Variants in SNTG1 observed in about 807,000 individuals in gnomAD.
The protein encoded by SNTG1 is gamma-1-syntrophin.
SNTG1 carries 39 observed loss-of-function variants against 74.7 expected under a neutral mutation model. The ratio of observed to expected loss-of-function variants is 0.52; its 90% CI spans 0.40 to 0.68. The LOEUF (loss-of-function observed/expected upper bound fraction) is 0.68. SNTG1 is among the 30% of genes least tolerant of loss of function. The pLI is 0.00. For synonymous variants in SNTG1, 254 were observed against 217.1 expected, an observed-to-expected ratio of 1.17 and a Z score of -1.49; for missense variants, 685 against 609.5, an observed-to-expected ratio of 1.12 and a Z score of -1.30.
rs368672975 is a variant in SNTG1 at position 50,307,731 on chromosome 8, C to T, written c.-27-86481C>T. Among the ~76,000 whole-genome samples the T allele has an allele frequency of 4.1e-4, 62 of 152,110 alleles. No individual in the cohort carries two copies. In the East Asian group the frequency reaches 7.2e-3, roughly 18 times the overall value. On this transcript the variant is annotated intron_variant, in intron 2 of 18. Coordinates refer to ENST00000642720, the MANE Select transcript of SNTG1 (RefSeq NM_018967.5). ...GCCTCTAAGTACATTATTCTGTCTTCGATGTTTTTCTTGTATCAGCTTTAT... is the reference window on the plus strand; with the variant it reads ...GCCTCTAAGTACATTATTCTGTCTTTGATGTTTTTCTTGTATCAGCTTTAT...
intron 2 of SNTG1, among the ~76,000 whole-genome samples, chr8:50,306,314 G>T (rs955612768): frequency 1.3e-5 from 2 of 151,894 alleles, no homozygotes; most frequent in African/African-American, 4.8e-5. Context: ...CACTGGGGTT[G>T]GTTCTATATC....
chr8:50,150,467 G>C (rs1397196379), intron 1 of SNTG1, among the ~76,000 whole-genome samples: 2 of 152,124 alleles, frequency 1.3e-5, no homozygotes, highest in African/African-American at 4.8e-5. Context: ...TCCCTGTCTT[G>C]TGCCAGTTTT....
At chr8:50,178,795 C>T (rs1462551236) in intron 2 of SNTG1, among the ~76,000 whole-genome samples, 1 of 152,128 alleles carries the variant, frequency 6.6e-6, no homozygotes, top group African/African-American at 2.4e-5. Flanking sequence ...CTGTGTGACA[C>T]TCTGCCAAAA....
At chr8:50,506,545 A>T (rs901705898) in intron 9 of SNTG1, among the ~76,000 whole-genome samples, 1 of 151,978 alleles carries the variant, frequency 6.6e-6, no homozygotes, top group African/African-American at 2.4e-5. Flanking sequence ...TTTTCAGTGT[A>T]AAGTCTTTAA....
At chr8:49,918,063 A>G (rs759096557) in intron 1 of SNTG1, among the ~76,000 whole-genome samples, 212 of 152,190 alleles carry the variant, frequency 1.4e-3, no homozygotes, top group Non-Finnish European at 2.5e-3. Context: ...ATTTAATAGA[A>G]ACCCTAAACT....
intron 13 of SNTG1, among the ~76,000 whole-genome samples, chr8:50,617,310 T>A (rs1312892191): frequency 2.6e-5 from 4 of 151,730 alleles, no homozygotes; most frequent in Non-Finnish European, 4.4e-5. Context: ...ATTTGTTCAA[T>A]GAGCAAATGA....
intron 15 of SNTG1, among the ~76,000 whole-genome samples, chr8:50,683,636 A>T (rs911914167): frequency 1.3e-5 from 2 of 152,222 alleles, no homozygotes; most frequent in African/African-American, 4.8e-5. Context: ...ATAGGAGAGC[A>T]ATTTCAAGTG....
chr8:50,220,578 G>A (rs1473781273), intron 2 of SNTG1, among the ~76,000 whole-genome samples: 3 of 152,124 alleles, frequency 2.0e-5, no homozygotes, highest in African/African-American at 7.2e-5. Flanking sequence ...GAAATGTATT[G>A]AAGTTTTGTT....
intron 1 of SNTG1, among the ~76,000 whole-genome samples, chr8:49,991,385 G>A (rs556418685): frequency 2.4e-4 from 37 of 152,222 alleles, no homozygotes; most frequent in East Asian, 7.7e-4. Context: ...CACTCTGGCC[G>A]TTCATTAAAG....
intron 1 of SNTG1, among the ~76,000 whole-genome samples, chr8:49,942,502 T>A (rs749408592): frequency 1.7e-4 from 25 of 149,578 alleles, no homozygotes; most frequent in Non-Finnish European, 3.4e-4. Context: ...CCTACTTAAT[T>A]TAAGTTTTCT....
chr8:50,660,230 AAAGGAAAGAAGG>A (rs1477415353), intron 15 of SNTG1, among the ~76,000 whole-genome samples: 3 of 140,796 alleles, frequency 2.1e-5, no homozygotes, highest in Admixed American at 6.9e-5. Context: ...GAAGAAAAGA[AAAGGAAAGAAGG>A]AAGGAAAGAA....
chr8:50,218,729 G>A (rs1203325021), intron 2 of SNTG1, among the ~76,000 whole-genome samples: 1 of 152,068 alleles, frequency 6.6e-6, no homozygotes, highest in African/African-American at 2.4e-5. Context: ...TCTAATTCCA[G>A]CAATGTAGAA....
intron 2 of SNTG1, among the ~76,000 whole-genome samples, chr8:50,207,707 C>A (rs2084315770): frequency 6.6e-6 from 1 of 152,144 alleles, no homozygotes; most frequent in Admixed American, 6.5e-5. Context: ...GCATTTAGTG[C>A]TATACATTTC....
chr8:50,043,032 G>A (rs1180841900), intron 1 of SNTG1, among the ~76,000 whole-genome samples: 1 of 152,008 alleles, frequency 6.6e-6, no homozygotes, highest in Non-Finnish European at 1.5e-5. Context: ...TTAAATTTAT[G>A]ATTACTAGTT....
At chr8:50,438,402 C>A (rs1308287148) in intron 4 of SNTG1, 141 bp from the exon 5 acceptor site, 2 of 601,670 alleles carry the variant, frequency 3.3e-6, no homozygotes, top group Non-Finnish European at 5.9e-6. Context: ...GATGTGGAGG[C>A]ACTATCCCAG....
At chr8:50,608,760 G>A (rs1456506526) in intron 13 of SNTG1, among the ~76,000 whole-genome samples, 1 of 151,714 alleles carries the variant, frequency 6.6e-6, no homozygotes, top group African/African-American at 2.4e-5. Context: ...TTTTCTAGAT[G>A]TTTTATGTCT....
chr8:50,181,330 C>T (rs1305399550), intron 2 of SNTG1, among the ~76,000 whole-genome samples: 1 of 152,080 alleles, frequency 6.6e-6, no homozygotes. Context: ...TTTTATTTTC[C>T]TAATGGAGTT....
intron 2 of SNTG1, among the ~76,000 whole-genome samples, chr8:50,191,594 T>C (rs1432321091): frequency 6.6e-6 from 1 of 152,178 alleles, no homozygotes; most frequent in Non-Finnish European, 1.5e-5. Context: ...AATTCTGGGA[T>C]ACATATGCAG....
chr8:50,026,065 TG>T lies in SNTG1; in HGVS notation c.-103+113835del, dbSNP rs374674986. On this transcript the variant is annotated intron_variant, in intron 1 of 18. Coordinates refer to ENST00000642720, the MANE Select transcript of SNTG1 (RefSeq NM_018967.5). ...CAGAGGAACATAAATTATCTAAAATTGTTCCATACTGCAAAACGTTCAAATG... is the reference window on the plus strand; with the variant it reads ...CAGAGGAACATAAATTATCTAAAATTTTCCATACTGCAAAACGTTCAAATG... 3.8e-3 allele frequency among the ~76,000 whole-genome samples: 579 copies of T among 152,256 alleles called. 5 individuals carry two copies. Among genetic ancestry groups the T allele is most frequent in the African/African-American group, 0.013 (550 of 41,548 alleles).
Sources: allele counts gnomAD v4.1 joint callset (sites outside exome capture counted in the v4.1 genomes callset), GRCh38; gene constraint gnomAD v4.1.1; transcripts MANE v1.5; gene names NCBI Gene and HGNC (gene_info 2026-07-23, HGNC 2026-07-21).